Variants in TRMT2B observed in about 807,000 individuals in gnomAD.
TRMT2B encodes the protein tRNA methyltransferase 2B.
A neutral mutation model predicts 39.7 loss-of-function variants in TRMT2B; 34 were observed. That is an observed-to-expected ratio of 0.86 (90% CI 0.65 to 1.14). The LOEUF is 1.14. Among genes scored for constraint, TRMT2B ranks in the 50% most tolerant of loss-of-function variants. The pLI, the probability that TRMT2B is intolerant of heterozygous loss-of-function variation, is 0.00. For missense variants in TRMT2B, 318 were observed against 377.2 expected, an observed-to-expected ratio of 0.84 and a Z score of 1.30; for synonymous variants, 132 against 137.3, an observed-to-expected ratio of 0.96 and a Z score of 0.27.
At chrX:101,024,014 A>G (rs2086928713) in intron 7 of TRMT2B, among the ~76,000 whole-genome samples, 1 of 110,474 alleles carries the variant, frequency 9.1e-6, no homozygotes, top group South Asian at 3.9e-4. Context: ...AGCCTGGCTA[A>G]TTTTTGTATT....
At chrX:101,027,521 C>A (rs1319392553) in intron 7 of TRMT2B, among the ~76,000 whole-genome samples, 5 of 109,717 alleles carry the variant, frequency 4.6e-5, no homozygotes, top group African/African-American at 1.3e-4. Flanking sequence ...GGATTACAGG[C>A]GTGAGCCACG....
At chrX:101,047,449 C>T (rs2088757081) in intron 2 of TRMT2B, among the ~76,000 whole-genome samples, 1 of 111,569 alleles carries the variant, frequency 9.0e-6, no homozygotes, top group Non-Finnish European at 1.9e-5. Flanking sequence ...ACATTGAGAA[C>T]ACAAGTAGAG....
intron 2 of TRMT2B, among the ~76,000 whole-genome samples, chrX:101,045,060 T>C (rs1313695577): frequency 2.9e-5 from 3 of 103,867 alleles, no homozygotes; most frequent in Non-Finnish European, 5.9e-5. Context: ...GGGGTGCTCA[T>C]GTCTGTAATC....
At chrX:101,042,866 T>A (rs1178690671) in intron 2 of TRMT2B, among the ~76,000 whole-genome samples, 1 of 111,275 alleles carries the variant, frequency 9.0e-6, no homozygotes, top group Non-Finnish European at 1.9e-5. Flanking sequence ...AGTGGCATGA[T>A]CATGGCTCAC....
the TRMT2B span, among the ~76,000 whole-genome samples, chrX:101,000,635 G>A: frequency 1.8e-5 from 2 of 109,714 alleles, no homozygotes; most frequent in African/African-American, 3.3e-5. Context: ...GTAGCAAGCA[G>A]AAAGACAAGC....
chrX:101,012,743 C>T (rs1203975352), intron 13 of TRMT2B, among the ~76,000 whole-genome samples: 1 of 110,612 alleles, frequency 9.0e-6, no homozygotes, highest in Non-Finnish European at 1.9e-5. Context: ...GGCACATATA[C>T]ACCATGGAAT....
At chrX:101,012,105 A>G (rs1006736909) in intron 13 of TRMT2B, among the ~76,000 whole-genome samples, 11 of 111,202 alleles carry the variant, frequency 9.9e-5, no homozygotes, top group African/African-American at 3.6e-4. Context: ...AACCAGTAAC[A>G]CAGTCATTTT....
chrX:101,049,994 A>G lies in TRMT2B; in HGVS notation c.-24+1257T>C, dbSNP rs751555294. ...GGGTCCTGTCCCTCCAGTCAGCAGG[A>G]AAGTCAGGAGGAAGGAAACTGCAGG... is the stretch of plus-strand genomic sequence containing the variant. On this transcript the variant is annotated intron_variant, in intron 2 of 13. Transcript: ENST00000372936. Among the ~76,000 whole-genome samples, 23 of 111,620 alleles carry G rather than the reference A, an allele frequency of 2.1e-4. No homozygotes were observed. The South Asian group carries it at 7.9e-3, about 38-fold the overall frequency.
chrX:101,032,636 C>T lies in TRMT2B; in HGVS notation c.609+2977G>A, dbSNP rs59795223. On this transcript the variant is annotated intron_variant, in intron 7 of 13. Coordinates refer to ENST00000372936, the MANE Select transcript of TRMT2B (RefSeq NM_024917.6). ...TAAAATATAAAAAAAATTAGCTGGG[C>T]GTGGTGGCTGGTGCCTGTAATCCCA... is the stretch of plus-strand genomic sequence containing the variant. Among the ~76,000 whole-genome samples, 200 of 106,591 alleles carry T rather than the reference C, an allele frequency of 1.9e-3. 4 individuals carry two copies. In the East Asian group the frequency reaches 0.047, roughly 25 times the overall value. The allele number at this position is 106,591 out of a possible 115,157, so 92.6% of individuals were successfully genotyped here. A position where few individuals can be genotyped will look rare whatever the true frequency, so the allele number is the denominator to read the frequency against.
chrX:100,986,833 C>G, the TRMT2B span: 1 of 1,205,136 alleles, frequency 8.3e-7, no homozygotes, highest in African/African-American at 1.7e-5. Flanking sequence ...AGCCCTCATG[C>G]CTTGTGATAT....
At chrX:101,027,072 C>G (rs1158122689) in intron 7 of TRMT2B, among the ~76,000 whole-genome samples, 2 of 111,231 alleles carry the variant, frequency 1.8e-5, no homozygotes, top group Non-Finnish European at 3.8e-5. Context: ...GAAAACAGTA[C>G]ACATTAAGGT....
chrX:101,048,113 TACACACACACACACACACAC>T (rs56212711), intron 2 of TRMT2B, among the ~76,000 whole-genome samples: 2 of 90,397 alleles, frequency 2.2e-5, no homozygotes, highest in Non-Finnish European at 4.4e-5. Flanking sequence ...TTTATACACA[TACACACACACACACACACAC>T]ACACACACAC....
chrX:100,974,825 T>A, the TRMT2B span, among the ~76,000 whole-genome samples: 1 of 112,049 alleles, frequency 8.9e-6, no homozygotes, highest in Non-Finnish European at 1.9e-5. Flanking sequence ...CAGCACTGTC[T>A]GTCACAGGAT....
chrX:100,992,202 T>G, the TRMT2B span, among the ~76,000 whole-genome samples: 9 of 107,748 alleles, frequency 8.4e-5, no homozygotes, highest in South Asian at 8.0e-4. Context: ...AATTTGGGGG[T>G]GAGGAAAAAA....
chrX:101,039,915 G>A (rs2088118098), intron 4 of TRMT2B, among the ~76,000 whole-genome samples: 1 of 108,509 alleles, frequency 9.2e-6, no homozygotes, highest in Non-Finnish European at 1.9e-5. Context: ...AAAAAGAAAA[G>A]AAAAGAAACA....
chrX:100,991,623 C>T, the TRMT2B span, among the ~76,000 whole-genome samples: 1 of 111,880 alleles, frequency 8.9e-6, no homozygotes, highest in Non-Finnish European at 1.9e-5. Context: ...ATCCGCCCGC[C>T]TCGGCCTCCC....
downstream of TRMT2B, among the ~76,000 whole-genome samples, chrX:101,008,254 A>T (rs1331819998): frequency 8.9e-6 from 1 of 111,967 alleles, no homozygotes; most frequent in Non-Finnish European, 1.9e-5. Flanking sequence ...ATTTGCTGAT[A>T]CAGGGAATAA....
the TRMT2B span, among the ~76,000 whole-genome samples, chrX:100,995,332 A>G: frequency 3.9e-4 from 44 of 112,186 alleles, no homozygotes; most frequent in East Asian, 0.012. Flanking sequence ...AGCTGTAATA[A>G]AATGTTCTCC....
chrX:101,029,641 G>A (rs2087327979), intron 7 of TRMT2B, among the ~76,000 whole-genome samples: 1 of 111,565 alleles, frequency 9.0e-6, no homozygotes, highest in African/African-American at 3.3e-5. Context: ...ATCTAGAATA[G>A]TGCCTTGAAC....
Sources: gnomAD v4.1 joint callset for allele counts (sites outside exome capture counted in the v4.1 genomes callset) on GRCh38, gnomAD v4.1.1 for gene constraint, MANE v1.5 for transcripts, NCBI Gene and HGNC (gene_info 2026-07-23, HGNC 2026-07-21) for gene names.